Variants in UEVLD observed in about 807,000 individuals in gnomAD.
UEVLD encodes the protein ubiquitin-conjugating enzyme E2 variant 3.
UEVLD carries 47 observed loss-of-function variants against 58.6 expected under a neutral mutation model. That is an observed-to-expected ratio of 0.80 (90% confidence interval 0.63 to 1.02). The LOEUF (loss-of-function observed/expected upper bound fraction) is 1.02. Ranked by LOEUF, UEVLD falls within the 50% of genes least tolerant of loss-of-function variation. The probability of loss-of-function intolerance (pLI) is 0.00; values close to 1 mark genes in which losing one functional copy is unlikely to be tolerated. For synonymous variants in UEVLD, 197 were observed against 195.3 expected, an observed-to-expected ratio of 1.01 and a Z score of -0.07; for missense variants, 510 against 550.6, an observed-to-expected ratio of 0.93 and a Z score of 0.74.
chr11:18,575,321 C>T, intron 3 of UEVLD, 26 bp downstream of exon 3: 1 of 1,580,640 alleles, frequency 6.3e-7, no homozygotes, highest in Non-Finnish European at 8.5e-7. Flanking sequence ...AGAAAACTCA[C>T]ACATTTTTTC....
chr11:18,540,846 T>C lies in UEVLD; in HGVS notation c.1060+3777A>G, dbSNP rs562942660. Among the ~76,000 whole-genome samples, 17 of 152,352 alleles carry C rather than the reference T, an allele frequency of 1.1e-4. No individual in the cohort carries two copies. In the East Asian group the frequency reaches 2.9e-3, roughly 26 times the overall value. ...TCATTTCCAGTATTAGACTCAAAGTTTCCTAAAGACAGGGTCAGGTTCTTA... is the reference window on the plus strand; with the variant it reads ...TCATTTCCAGTATTAGACTCAAAGTCTCCTAAAGACAGGGTCAGGTTCTTA... On this transcript the variant is annotated intron_variant, in intron 9 of 11. Transcript: ENST00000396197.
chr11:18,544,530 A>C, intron 9 of UEVLD, 93 bp downstream of exon 9: 1 of 1,373,052 alleles, frequency 7.3e-7, no homozygotes, highest in Non-Finnish European at 9.9e-7. Context: ...CTGGTCTTGA[A>C]GTCCTGGCTT....
In UEVLD at chr11:18,536,394, A is replaced by G; in HGVS notation, c.1124+12T>C. 6.2e-7 allele frequency: 1 copy of G among 1,612,996 alleles called. No individual in the cohort carries two copies. Among genetic ancestry groups the G allele is most frequent in the Non-Finnish European group, 8.5e-7 (1 of 1,179,254 alleles). On this transcript the variant is annotated intron_variant, in intron 10 of 11. Transcript: ENST00000396197. ...TTTCGTTGGATAAATGCAAATTTCC[A>G]GTCAGTGTTACCTGTTGGACAGCTG...
rs760098375 is a variant in UEVLD, at chr11:18,575,303, G to A, written c.193+44C>T. 4 of 1,561,812 alleles carry A rather than the reference G, an allele frequency of 2.6e-6. No individual in the cohort carries two copies. In the Admixed American group the frequency reaches 8.4e-5, roughly 33 times the overall value. The stretch of plus-strand genomic sequence containing the variant: ...ACAAATTTAAGTTATTAAATGAACT[G>A]CTCTTTTAGAAAACTCACACATTTT... On this transcript the variant is annotated intron_variant, in intron 3 of 11. Coordinates refer to ENST00000396197, the MANE Select transcript of UEVLD (RefSeq NM_001040697.4).
intron 3 of UEVLD, among the ~76,000 whole-genome samples, chr11:18,573,364 C>T (rs1018038486): frequency 1.3e-5 from 2 of 152,196 alleles, no homozygotes; most frequent in African/African-American, 4.8e-5. Flanking sequence ...TAATCAGTTT[C>T]CTTCCCTCTT....
chr11:18,584,656 G>A (rs1211653995), intron 1 of UEVLD, among the ~76,000 whole-genome samples: 3 of 151,924 alleles, frequency 2.0e-5, no homozygotes, highest in African/African-American at 4.8e-5. Context: ...TTTTTGAGAC[G>A]GAGTCTTGCT....
intron 7 of UEVLD, among the ~76,000 whole-genome samples, chr11:18,551,419 T>TTTTTTGTGTGCTATCCAG (rs1851524929): frequency 9.7e-6 from 1 of 103,028 alleles, no homozygotes; most frequent in Non-Finnish European, 1.9e-5. Context: ...TAAGACTCCA[T>TTTTTTGTGTGCTATCCAG]CACAAAAAAA....
intron 6 of UEVLD, 82 bp downstream of exon 6, chr11:18,564,810 G>T: frequency 4.3e-6 from 4 of 922,076 alleles, no homozygotes; most frequent in Non-Finnish European, 6.5e-6. Flanking sequence ...CAAAATGAAG[G>T]CATTTTTTGG....
intron 7 of UEVLD, among the ~76,000 whole-genome samples, chr11:18,555,082 G>T (rs1412702206): frequency 6.6e-6 from 1 of 152,030 alleles, no homozygotes; most frequent in African/African-American, 2.4e-5. Flanking sequence ...TTGAATCCAG[G>T]AGTTCAAGAC....
intron 6 of UEVLD, among the ~76,000 whole-genome samples, 182 bp from the exon 7 acceptor site, chr11:18,558,512 G>A (rs964342614): frequency 6.6e-6 from 1 of 152,092 alleles, no homozygotes. Flanking sequence ...AACTTTGGCT[G>A]GGCTTGGTGG....
Position 18,532,280 on chromosome 11 carries a change from C to CT in UEVLD, c.*39dup. The CT allele has an allele frequency of 6.5e-7, 1 of 1,547,730 alleles. No individual in the cohort carries two copies. Among genetic ancestry groups the CT allele is most frequent in the East Asian group, 2.3e-5 (1 of 43,220 alleles). On this transcript the variant is annotated 3_prime_UTR_variant, in exon 12 of 12. Transcript: ENST00000396197. The stretch of plus-strand genomic sequence containing the variant: ...ATAGGTAAAATTAAATGACTTTTCC[C>CT]TTTAGGTAGAAGTCCAGCCTCTCAA...
chr11:18,546,123 T>TA (rs199943390), intron 8 of UEVLD, among the ~76,000 whole-genome samples: 1,704 of 152,328 alleles, frequency 0.011, 17 homozygotes, highest in Admixed American at 0.019. Flanking sequence ...CAGTACAAAC[T>TA]AACTCTTTGA....
At position 18,588,601 on chromosome 11, in the gene UEVLD, G is replaced by T; in HGVS notation, c.42+12C>A. The T allele has an allele frequency of 6.2e-7, 1 of 1,609,680 alleles. No homozygotes were observed. On this transcript the variant is annotated intron_variant, in intron 1 of 11. Coordinates refer to ENST00000396197, the MANE Select transcript of UEVLD (RefSeq NM_001040697.4). ...CCTGAGGACCCAAACTGGCCCAGCG[G>T]ACTGCCCGCACCTTGCCAAGCAGCC...
chr11:18,579,025 G>A (rs1019740403), intron 1 of UEVLD, among the ~76,000 whole-genome samples: 4 of 152,020 alleles, frequency 2.6e-5, no homozygotes, highest in Non-Finnish European at 4.4e-5. Flanking sequence ...ACGCCACCAC[G>A]CCTGGCTAAT....
intron 9 of UEVLD, among the ~76,000 whole-genome samples, chr11:18,538,393 C>T (rs1850905282): frequency 6.6e-6 from 1 of 151,660 alleles, no homozygotes; most frequent in South Asian, 2.1e-4. Context: ...TCTATTGCCT[C>T]AGCCTCCCAA....
At chr11:18,575,232 A>T in intron 3 of UEVLD, 115 bp downstream of exon 3, 1 of 1,118,418 alleles carries the variant, frequency 8.9e-7, no homozygotes, top group Non-Finnish European at 1.3e-6. Flanking sequence ...AAGGTTCTGT[A>T]TAGGTCATAT....
At chr11:18,548,770 A>G (rs1052810739) in intron 7 of UEVLD, among the ~76,000 whole-genome samples, 3 of 152,188 alleles carry the variant, frequency 2.0e-5, no homozygotes, top group Non-Finnish European at 4.4e-5. Flanking sequence ...CACTTGTGCA[A>G]TGTGTCCACT....
At chr11:18,583,296 C>A (rs185233046) in intron 1 of UEVLD, among the ~76,000 whole-genome samples, 3 of 149,460 alleles carry the variant, frequency 2.0e-5, no homozygotes, top group African/African-American at 7.4e-5. Flanking sequence ...TCTTGGCTCA[C>A]TGCAACCTCC....
At chr11:18,540,746 G>C (rs961960673) in intron 9 of UEVLD, among the ~76,000 whole-genome samples, 2 of 152,138 alleles carry the variant, frequency 1.3e-5, no homozygotes, top group Non-Finnish European at 2.9e-5. Flanking sequence ...GAGACCTCAA[G>C]ACAGAATTAC....
Sources: allele counts gnomAD v4.1 joint callset (sites outside exome capture counted in the v4.1 genomes callset), GRCh38; gene constraint gnomAD v4.1.1; transcripts MANE v1.5; gene names NCBI Gene and HGNC (gene_info 2026-07-23, HGNC 2026-07-21).